NR3C2: variants seen among roughly 807,000 people sequenced by gnomAD.
NR3C2 encodes mineralocorticoid receptor.
Under a neutral mutation model 86.4 loss-of-function variants are expected in NR3C2, and 15 were observed. That is an observed-to-expected ratio of 0.17 (90% CI 0.12 to 0.27). NR3C2 has a LOEUF of 0.27. NR3C2 is among the 10% of genes least tolerant of loss of function. NR3C2 has a pLI of 1.00. For missense variants in NR3C2, 960 were observed against 1,195.6 expected (o/e 0.80, Z 2.91); for synonymous variants, 458 against 450.5 (o/e 1.02, Z -0.21).
chr4:148,404,140 A>T (rs1748299662), intron 2 of NR3C2, among the ~76,000 whole-genome samples: 1 of 152,118 alleles, frequency 6.6e-6, no homozygotes, highest in African/African-American at 2.4e-5. Flanking sequence ...TTTGTAAAGT[A>T]AAAATTCATG....
At chr4:148,273,591 G>C (rs1003516811) in intron 2 of NR3C2, among the ~76,000 whole-genome samples, 1 of 152,078 alleles carries the variant, frequency 6.6e-6, no homozygotes, top group African/African-American at 2.4e-5. Flanking sequence ...CAAAAAACAA[G>C]GGAGTCAGCC....
rs558603485 is a variant in NR3C2, at chr4:148,401,945, A to T, written c.1757+33159T>A. 1.4e-4 allele frequency among the ~76,000 whole-genome samples: 22 copies of T among 152,290 alleles called. No individual in the cohort carries two copies. The South Asian group carries it at 4.6e-3, about 32-fold the overall frequency. On this transcript the variant is annotated intron_variant, in intron 2 of 8. Transcript: ENST00000358102. Reference sequence around the variant, plus strand: ...CAAAACCAAATAATCCTAAATCATGATTAAGCCACTGTAAGGTCTCTGTTA... The same window carrying T: ...CAAAACCAAATAATCCTAAATCATGTTTAAGCCACTGTAAGGTCTCTGTTA...
intron 2 of NR3C2, among the ~76,000 whole-genome samples, chr4:148,330,684 G>A (rs12499873): frequency 0.35 from 53,379 of 152,052 alleles, 10,496 homozygotes; most frequent in African/African-American, 0.54. Context: ...GTTTACACAC[G>A]TTGTATATGA....
At chr4:148,202,095 T>G (rs1370393297) in intron 3 of NR3C2, among the ~76,000 whole-genome samples, 1 of 152,218 alleles carries the variant, frequency 6.6e-6, no homozygotes, top group Non-Finnish European at 1.5e-5. Context: ...AACTGACTTA[T>G]CACACATTGG....
chr4:148,248,275 T>C (rs1739414154), intron 3 of NR3C2, among the ~76,000 whole-genome samples: 1 of 152,224 alleles, frequency 6.6e-6, no homozygotes, highest in South Asian at 2.1e-4. Context: ...TTTCAGTTTA[T>C]ATTGTATTCT....
rs576976246 is a variant in NR3C2, at chr4:148,226,721, C to A, written c.1898-31859G>T. ...CACCAGTGAAGCATGCGAGTTCCAG[C>A]TAATTCACATCCTTTCCAATATTTG... is the stretch of plus-strand genomic sequence containing the variant. On this transcript the variant is annotated intron_variant, in intron 3 of 8. Coordinates refer to ENST00000358102, the MANE Select transcript of NR3C2 (RefSeq NM_000901.5). Among the ~76,000 whole-genome samples the A allele has an allele frequency of 2.0e-5, 3 of 152,276 alleles. No homozygotes were observed. In the South Asian group the frequency reaches 6.2e-4, roughly 32 times the overall value.
intron 3 of NR3C2, among the ~76,000 whole-genome samples, chr4:148,244,840 T>C (rs72653898): frequency 3.3e-5 from 5 of 152,238 alleles, no homozygotes; most frequent in African/African-American, 1.2e-4. Flanking sequence ...ACTTTTGATC[T>C]CTGCCCATAC....
intron 6 of NR3C2, among the ~76,000 whole-genome samples, chr4:148,141,702 T>C (rs1250959055): frequency 6.6e-6 from 1 of 152,048 alleles, no homozygotes; most frequent in Non-Finnish European, 1.5e-5. Context: ...GGCGAGTGAG[T>C]GTTACAGCCT....
chr4:148,381,455 A>G (rs935061866), intron 2 of NR3C2, among the ~76,000 whole-genome samples: 1 of 152,182 alleles, frequency 6.6e-6, no homozygotes, highest in Non-Finnish European at 1.5e-5. Flanking sequence ...TCTACTTGCT[A>G]GACCAAAATA....
rs146027424 is a variant in NR3C2, at chr4:148,436,348, G to A, written c.513C>T (p.Ser171=). 4.3e-6 allele frequency: 7 copies of A among 1,614,054 alleles called. No homozygotes were observed. The highest frequency in any genetic ancestry group is 1.1e-5 in the South Asian group (1 of 91,078). The change falls in exon 2 of 9, where the codon TCC becomes TCT. Residue 171 remains serine (S), a synonymous_variant. Transcript: ENST00000358102. ...CGGCGCGCATGACGCCACCATTCAC[G>A]GAGCTCCCAGAGTCAGACATAAATG... ...LRSFMSDSGS[S]VNGGVMRAVV...
intron 8 of NR3C2, among the ~76,000 whole-genome samples, chr4:148,106,505 A>C (rs1262268026): frequency 6.6e-6 from 1 of 152,222 alleles, no homozygotes; most frequent in Middle Eastern, 3.2e-3. Context: ...CAGAATTAGA[A>C]AAAACTAATT....
intron 5 of NR3C2, among the ~76,000 whole-genome samples, chr4:148,153,712 T>A (rs977933544): frequency 1.5e-4 from 20 of 136,508 alleles, no homozygotes; most frequent in Middle Eastern, 3.5e-3. Flanking sequence ...GCCTTATTAA[T>A]TAAATACCAT....
chr4:148,117,374 A>G (rs2149730678), intron 7 of NR3C2, among the ~76,000 whole-genome samples: 1 of 152,012 alleles, frequency 6.6e-6, no homozygotes, highest in Non-Finnish European at 1.5e-5. Flanking sequence ...CCTTTTGGAC[A>G]CTCTGCCCTC....
intron 2 of NR3C2, among the ~76,000 whole-genome samples, chr4:148,288,656 T>C (rs1030425471): frequency 1.3e-5 from 2 of 152,078 alleles, no homozygotes; most frequent in African/African-American, 4.8e-5. Flanking sequence ...ATCTGCTCCC[T>C]TTTTTTTCCT....
intron 2 of NR3C2, among the ~76,000 whole-genome samples, chr4:148,386,110 T>C (rs1258787471): frequency 6.6e-6 from 1 of 152,076 alleles, no homozygotes. Flanking sequence ...GAAACCACTC[T>C]AAATCCCTCC....
chr4:148,436,102 A>G lies in NR3C2; in HGVS notation c.759T>C (p.His253=). ...AGAGAGGAGAGCCCACATTGCTAGCATGTGCAGGGCTGTGCGACCTGGAGC... is the reference window on the plus strand; with the variant it reads ...AGAGAGGAGAGCCCACATTGCTAGCGTGTGCAGGGCTGTGCGACCTGGAGC... ...NRGSRSHSPA[H]ASNVGSPLSS... is the part of the protein sequence containing the mutation. Residue 253 remains histidine (H), a synonymous_variant, in exon 2 of 9, where the codon CAT becomes CAC. Coordinates refer to ENST00000358102, the MANE Select transcript of NR3C2 (RefSeq NM_000901.5). The G allele has an allele frequency of 6.2e-7, 1 of 1,614,174 alleles. No individual in the cohort carries two copies. Among genetic ancestry groups the G allele is most frequent in the Non-Finnish European group, 8.5e-7 (1 of 1,180,038 alleles).
chr4:148,346,547 T>C (rs1457783100), intron 2 of NR3C2, among the ~76,000 whole-genome samples: 1 of 152,030 alleles, frequency 6.6e-6, no homozygotes, highest in Non-Finnish European at 1.5e-5. Flanking sequence ...TTGGTATTTG[T>C]GAGCCTCAGG....
intron 5 of NR3C2, among the ~76,000 whole-genome samples, chr4:148,153,305 G>A (rs1734190598): frequency 6.6e-6 from 1 of 152,156 alleles, no homozygotes; most frequent in Non-Finnish European, 1.5e-5. Context: ...AGGCTCACAA[G>A]TAGCTGGGGT....
intron 2 of NR3C2, among the ~76,000 whole-genome samples, chr4:148,340,337 G>C (rs1483984255): frequency 6.6e-6 from 1 of 151,948 alleles, no homozygotes; most frequent in Non-Finnish European, 1.5e-5. Flanking sequence ...AAAAAGAATA[G>C]AGCTAACTCA....
Sources: allele counts gnomAD v4.1 joint callset (sites outside exome capture counted in the v4.1 genomes callset), GRCh38; gene constraint gnomAD v4.1.1; transcripts MANE v1.5; gene names NCBI Gene and HGNC (gene_info 2026-07-23, HGNC 2026-07-21).